CFAP74: variants seen among roughly 807,000 people sequenced by gnomAD.
CFAP74 encodes cilia- and flagella-associated protein 74.
In CFAP74, 124 loss-of-function variants were observed where a neutral mutation model predicts 188.9. That is an observed-to-expected ratio of 0.66 (90% CI 0.57 to 0.76). The LOEUF (loss-of-function observed/expected upper bound fraction) is 0.76. CFAP74 is among the 30% of genes least tolerant of loss of function. The pLI, the probability that CFAP74 is intolerant of heterozygous loss-of-function variation, is 0.00. For missense variants in CFAP74, 2,198 were observed against 2,165.2 expected (o/e 1.02, Z -0.30); for synonymous variants, 956 against 916.7 (o/e 1.04, Z -0.77).
chr1:1,922,316 A>G lies in CFAP74; in HGVS notation c.4891T>C (p.Phe1631Leu). 3.1e-6 allele frequency: 5 copies of G among 1,607,188 alleles called. No individual in the cohort carries two copies. Among genetic ancestry groups the G allele is most frequent in the Non-Finnish European group, 4.2e-6 (5 of 1,178,150 alleles). The change falls in exon 39 of 39, where the codon TTT becomes CTT. Residue 1631 changes from phenylalanine to leucine, a missense_variant. Phe to Leu is a conservative substitution (Grantham distance 22, BLOSUM62 0). Transcript: ENST00000682832. Reference protein sequence around the residue: ...GDVKETYKVIFVAQVLTGP With the variant: ...GDVKETYKVILVAQVLTGP ...GGGCCAGTCAACACCTGGGCTACAA[A>G]GATGACCTTGTAGGTCTCCTTCACA...
chr1:1,983,002 C>G (rs187106819), intron 6 of CFAP74, among the ~76,000 whole-genome samples: 1 of 152,194 alleles, frequency 6.6e-6, no homozygotes, highest in African/African-American at 2.4e-5. Flanking sequence ...GCCCACAGAG[C>G]GGCAGACACG....
chr1:1,941,960 C>T (rs1178212019), intron 22 of CFAP74, 68 bp downstream of exon 22: 27 of 1,387,846 alleles, frequency 1.9e-5, no homozygotes, highest in Non-Finnish European at 2.2e-5. Flanking sequence ...TGGCCAGTGG[C>T]GAGGAGCGCC....
intron 25 of CFAP74, among the ~76,000 whole-genome samples, chr1:1,935,638 G>C (rs923436880): frequency 2.0e-5 from 3 of 151,968 alleles, no homozygotes; most frequent in African/African-American, 7.3e-5. Context: ...TGACAGTGAC[G>C]GGCTCTGGGG....
At chr1:1,972,835 C>T (rs1656184217) in intron 8 of CFAP74, 102 bp downstream of exon 8, 2 of 836,760 alleles carry the variant, frequency 2.4e-6, no homozygotes, top group Admixed American at 2.2e-5. Context: ...GAGCAAGGCT[C>T]CATCTTAAAT....
Position 1,927,596 on chromosome 1 carries a change from C to T in CFAP74, c.3527+11G>A. The T allele has an allele frequency of 2.6e-6, 4 of 1,547,674 alleles. No homozygotes were observed. The highest frequency in any genetic ancestry group is 3.5e-6 in the Non-Finnish European group (4 of 1,145,698). On this transcript the variant is annotated intron_variant, in intron 28 of 38. Transcript: ENST00000682832. ...GAGGGAAGCAGGTGGGGCAGCCCCTCCTGGACCCACCTGGGCCTCAGCTCC... is the reference window on the plus strand; with the variant it reads ...GAGGGAAGCAGGTGGGGCAGCCCCTTCTGGACCCACCTGGGCCTCAGCTCC...
intron 14 of CFAP74, among the ~76,000 whole-genome samples, chr1:1,961,858 A>G (rs1655112540): frequency 6.6e-6 from 1 of 152,240 alleles, no homozygotes; most frequent in Admixed American, 6.5e-5. Flanking sequence ...AGAACATCAC[A>G]GCCTCCACAA....
At chr1:1,971,228 C>T (rs6675279) in intron 9 of CFAP74, among the ~76,000 whole-genome samples, 4,727 of 151,636 alleles carry the variant, frequency 0.031, 229 homozygotes, top group African/African-American at 0.099. Flanking sequence ...TACGCGTGCA[C>T]GCCTGCACAC....
chr1:2,002,656 T>C (rs1658263228), intron 1 of CFAP74, among the ~76,000 whole-genome samples: 1 of 150,200 alleles, frequency 6.7e-6, no homozygotes, highest in Non-Finnish European at 1.5e-5. Context: ...GGCAACACAG[T>C]GAGACTCTGT....
chr1:1,988,365 AGAACT>A (rs2102105094), intron 4 of CFAP74, 142 bp downstream of exon 4: 3 of 968,642 alleles, frequency 3.1e-6, no homozygotes, highest in Non-Finnish European at 3.1e-6. Flanking sequence ...TGGGGCTTGC[AGAACT>A]GCTCCTCCAT....
intron 6 of CFAP74, among the ~76,000 whole-genome samples, chr1:1,976,752 G>A (rs982433881): frequency 6.0e-5 from 9 of 151,094 alleles, no homozygotes; most frequent in Admixed American, 4.0e-4. Flanking sequence ...CATGTTGGCC[G>A]GGCTGGTCTC....
intron 20 of CFAP74, 110 bp from the exon 21 acceptor site, chr1:1,944,562 C>A (rs1653620128): frequency 8.5e-7 from 1 of 1,170,454 alleles, no homozygotes; most frequent in Non-Finnish European, 1.2e-6. Flanking sequence ...CTTGAGTTTT[C>A]TAACTCTTTG....
intron 16 of CFAP74, among the ~76,000 whole-genome samples, chr1:1,958,397 T>G (rs1654816907): frequency 6.6e-6 from 1 of 152,238 alleles, no homozygotes; most frequent in African/African-American, 2.4e-5. Context: ...CTCTGGGAGA[T>G]GCTCGTGCTG....
In CFAP74 at chr1:1,955,861, G is replaced by A. The variant is rs115884258; in HGVS notation, c.2017-11C>T. 3.4e-3 allele frequency: 5,506 copies of A among 1,602,848 alleles called. 160 individuals carry two copies. In the African/African-American group the frequency reaches 0.061, roughly 18 times the overall value. On this transcript the variant is annotated splice_polypyrimidine_tract_variant and intron_variant, in intron 17 of 38. Transcript: ENST00000682832. ...GGTCAGGAGACTGCTCTAGAGAGGA[G>A]AATCAACATCCTGGCTTGGGAGGTT...
intron 19 of CFAP74, 111 bp downstream of exon 19, chr1:1,946,879 G>T: frequency 2.4e-6 from 2 of 839,114 alleles, no homozygotes; most frequent in African/African-American, 1.7e-5. Context: ...CTGGTCAAAC[G>T]CAAGGGCCAC....
At chr1:1,938,310 T>C (rs370953578) in intron 25 of CFAP74, among the ~76,000 whole-genome samples, 2 of 145,468 alleles carry the variant, frequency 1.4e-5, no homozygotes, top group South Asian at 4.5e-4. Flanking sequence ...CACACCCACA[T>C]ACATGCACTC....
chr1:1,965,651 C>T (rs894103139), intron 12 of CFAP74, among the ~76,000 whole-genome samples: 1 of 149,668 alleles, frequency 6.7e-6, no homozygotes, highest in Non-Finnish European at 1.5e-5. Flanking sequence ...CCCTGGCTTC[C>T]CGGGGTGGGG....
intron 9 of CFAP74, 38 bp downstream of exon 9, chr1:1,971,942 C>T (rs746525901): frequency 9.2e-6 from 14 of 1,519,240 alleles, no homozygotes; most frequent in South Asian, 2.2e-5. Context: ...CCCGGCAGGG[C>T]GCCAAGGGAG....
chr1:1,968,975 T>C lies in CFAP74; in HGVS notation c.1047-142A>G, dbSNP rs61776963. 34 of 411,754 alleles carry C rather than the reference T, an allele frequency of 8.3e-5. No homozygotes were observed. Among genetic ancestry groups the C allele is most frequent in the South Asian group, 2.5e-4 (10 of 39,588 alleles). 25.5% of individuals were successfully genotyped at this position (411,754 alleles called of 1,614,324 possible). Reference sequence around the variant, plus strand: ...CAGCAGCCCCAGGTGAGACAGCGCCTGGCGGCCCCTCCCTAGCTCCCTCCT... The same window carrying C: ...CAGCAGCCCCAGGTGAGACAGCGCCCGGCGGCCCCTCCCTAGCTCCCTCCT... On this transcript the variant is annotated intron_variant, in intron 10 of 38. Transcript: ENST00000682832. The surrounding 1 kb of genome is among the most constrained non-coding windows in gnomAD (Gnocchi z 4.3).
At chr1:1,985,334 C>T (rs759963082) in intron 6 of CFAP74, 52 bp downstream of exon 6, 107 of 1,491,260 alleles carry the variant, frequency 7.2e-5, no homozygotes, top group Non-Finnish European at 9.0e-5. Flanking sequence ...GGGAAGGACT[C>T]GCACCGTTCT....
Sources: allele counts gnomAD v4.1 joint callset (sites outside exome capture counted in the v4.1 genomes callset), GRCh38; gene constraint gnomAD v4.1.1; non-coding constraint Gnocchi (gnomAD v3.1); transcripts MANE v1.5; gene names NCBI Gene and HGNC (gene_info 2026-07-23, HGNC 2026-07-21).